MICALL2: variants seen among roughly 807,000 people sequenced by gnomAD.
The protein encoded by MICALL2 is MICAL like 2, also known as MICAL-like protein 2.
MICALL2 carries 111 observed loss-of-function variants against 91.1 expected under a neutral mutation model. That is an observed-to-expected ratio of 1.22 (90% CI 1.04 to 1.43). The LOEUF (loss-of-function observed/expected upper bound fraction) is 1.43, where lower values mean the gene tolerates loss of function less well. MICALL2 is among the 40% of genes most tolerant of loss of function. The pLI is 0.00. For missense variants in MICALL2, 1,556 were observed against 1,236.0 expected (o/e 1.26, Z -3.88); for synonymous variants, 694 against 525.3 (o/e 1.32, Z -4.39).
At chr7:1,456,984 C>T (rs919505046) in intron 1 of MICALL2, among the ~76,000 whole-genome samples, 1 of 152,166 alleles carries the variant, frequency 6.6e-6, no homozygotes, top group Non-Finnish European at 1.5e-5. Flanking sequence ...AATTTGTTTT[C>T]TCACGGCTCT....
In MICALL2 at chr7:1,446,767, T is replaced by C; in HGVS notation, c.587A>G (p.His196Arg). Residue 196 changes from histidine to arginine, a missense_variant, in exon 5 of 17, where the codon CAC becomes CGC. Transcript: ENST00000297508. The part of the protein sequence containing the change: ...STCGVCGKHV[H>R]LVQRHLADGR... ...GTCGGCCAGGTGCCGCTGTACCAGGTGCACGTGCTTGCCGCAGACCCCGCA... is the reference window on the plus strand; with the variant it reads ...GTCGGCCAGGTGCCGCTGTACCAGGCGCACGTGCTTGCCGCAGACCCCGCA... 2 of 1,608,354 alleles carry C rather than the reference T, an allele frequency of 1.2e-6. No individual in the cohort carries two copies. Among genetic ancestry groups the C allele is most frequent in the Non-Finnish European group, 1.7e-6 (2 of 1,178,196 alleles).
rs1780868813 is a variant in MICALL2, at chr7:1,452,431, C to T, written c.144-2143G>A. Among the ~76,000 whole-genome samples the T allele has an allele frequency of 6.6e-6, 1 of 152,110 alleles. No individual in the cohort carries two copies. Among genetic ancestry groups the T allele is most frequent in the African/African-American group, 2.4e-5 (1 of 41,414 alleles). On this transcript the variant is annotated intron_variant, in intron 1 of 16. Coordinates refer to ENST00000297508, the MANE Select transcript of MICALL2 (RefSeq NM_182924.4). The surrounding 1 kb of genome is among the most constrained non-coding windows in gnomAD (Gnocchi z 6.2). ...AGGAGCCGGCTCTCCCTCCCTCTCTCCCCGCCCCCAGCCCTTTGAAAGCTC... is the reference window on the plus strand; with the variant it reads ...AGGAGCCGGCTCTCCCTCCCTCTCTTCCCGCCCCCAGCCCTTTGAAAGCTC...
At chr7:1,446,540 G>A (rs369660104) in intron 5 of MICALL2, 173 bp downstream of exon 5, 1 of 560,614 alleles carries the variant, frequency 1.8e-6, no homozygotes, top group Non-Finnish European at 3.2e-6. Flanking sequence ...GAGGAGAGGG[G>A]AGGAGGCGGG....
At chr7:1,450,319 G>C in intron 1 of MICALL2, 31 bp from the exon 2 acceptor site, 1 of 1,603,828 alleles carries the variant, frequency 6.2e-7, no homozygotes, top group Non-Finnish European at 8.5e-7. Flanking sequence ...GTCCAAAGCA[G>C]CTCAGAGTCC....
At chr7:1,439,574 A>G (rs1437963452) in intron 9 of MICALL2, 6 of 244,426 alleles carry the variant, frequency 2.5e-5, no homozygotes, top group Non-Finnish European at 3.1e-5. Flanking sequence ...CACACGCATG[A>G]ACACTGATGT....
rs142703120 is a variant in MICALL2 at position 1,440,616 on chromosome 7, C to A, written c.1780G>T (p.Val594Leu). ...PAGWRANLKP[V>L]DRRSPAERTL... ...CTCTCAGCTGGGCTTCTCCTGTCCA[C>A]GGGCTTCAGATTCGCTCTCCATCCT... Residue 594 changes from valine to leucine, a missense_variant, in exon 8 of 17, where the codon GTG (valine) becomes TTG (leucine). By Grantham distance (32) the Val-to-Leu change is conservative. Transcript: ENST00000297508. 1 of 1,612,754 alleles carries A rather than the reference C, an allele frequency of 6.2e-7. No individual in the cohort carries two copies. The highest frequency in any genetic ancestry group is 1.1e-5 in the South Asian group (1 of 91,076).
At chr7:1,436,717 G>A (rs185600208) in intron 15 of MICALL2, 25 bp downstream of exon 15, 2 of 1,577,622 alleles carry the variant, frequency 1.3e-6, no homozygotes, top group South Asian at 1.1e-5. Context: ...CTGGCTGGGA[G>A]GGGCCCCCGG....
At chr7:1,457,177 A>C (rs973454030) in intron 1 of MICALL2, among the ~76,000 whole-genome samples, 1 of 152,086 alleles carries the variant, frequency 6.6e-6, no homozygotes, top group Admixed American at 6.6e-5. Context: ...GCACCTACTA[A>C]GCTCCTACCA....
At chr7:1,448,118 G>A (rs896982928) in intron 3 of MICALL2, 9 of 253,030 alleles carry the variant, frequency 3.6e-5, no homozygotes, top group African/African-American at 6.7e-5. Flanking sequence ...CACAAAGGCC[G>A]GGCCTGTCCC....
At chr7:1,450,606 C>T in intron 1 of MICALL2, 1 of 350,598 alleles carries the variant, frequency 2.9e-6, no homozygotes, top group Non-Finnish European at 5.5e-6. Context: ...GTGAGGTCAC[C>T]AGCCCAGGGC....
rs1584231390 is a variant in MICALL2 at position 1,451,295 on chromosome 7, C to T, written c.144-1007G>A. Among the ~76,000 whole-genome samples, 2 of 152,142 alleles carry T rather than the reference C, an allele frequency of 1.3e-5. No individual in the cohort carries two copies. The highest frequency in any genetic ancestry group is 4.1e-4 in the South Asian group (2 of 4,830). On this transcript the variant is annotated intron_variant, in intron 1 of 16. Coordinates refer to ENST00000297508, the MANE Select transcript of MICALL2 (RefSeq NM_182924.4). This position sits in a 1 kb window ranked among gnomAD's most constrained non-coding sequence, Gnocchi z 4.5. The stretch of plus-strand genomic sequence containing the variant: ...ACACCAAGATCCCAGGAGGCCCCAG[C>T]CCAGCCCCAGGCCCTCCGACAAAAA...
Position 1,439,000 on chromosome 7 carries a change from C to T in MICALL2, c.1967-5G>A, listed in dbSNP as rs1198631193. ...GGGGTGGGGAGGGGGACCTGGCTGCCCCCAGGTGGGGAGACAGAGCCACGC... is the reference window on the plus strand; with the variant it reads ...GGGGTGGGGAGGGGGACCTGGCTGCTCCCAGGTGGGGAGACAGAGCCACGC... On this transcript the variant is annotated splice_region_variant and splice_polypyrimidine_tract_variant and intron_variant, in intron 9 of 16. Coordinates refer to ENST00000297508, the MANE Select transcript of MICALL2 (RefSeq NM_182924.4). 6.3e-7 allele frequency: 1 copy of T among 1,589,868 alleles called. No homozygotes were observed.
At chr7:1,434,813 G>T in intron 16 of MICALL2, 141 bp from the exon 17 acceptor site, 1 of 918,126 alleles carries the variant, frequency 1.1e-6, no homozygotes, top group Non-Finnish European at 1.6e-6. Context: ...AGGAAGCCCT[G>T]TGCCCTCCCA....
At chr7:1,445,739 C>T (rs1379398267) in intron 5 of MICALL2, among the ~76,000 whole-genome samples, 1 of 152,212 alleles carries the variant, frequency 6.6e-6, no homozygotes, top group Non-Finnish European at 1.5e-5. Context: ...GGTCAGCAGA[C>T]ACACACCCAC....
chr7:1,450,494 TACGA>T (rs1249132959), intron 1 of MICALL2: 3 of 576,560 alleles, frequency 5.2e-6, no homozygotes, highest in Non-Finnish European at 9.6e-6. Flanking sequence ...GGGACCGTAG[TACGA>T]CATCAGACGG....
chr7:1,445,481 G>C (rs186496884), intron 5 of MICALL2, 53 bp from the exon 6 acceptor site: 30 of 1,425,308 alleles, frequency 2.1e-5, no homozygotes, highest in Non-Finnish European at 2.7e-5. Context: ...ACCCCGCCAC[G>C]CATTCACCAC....
intron 1 of MICALL2, among the ~76,000 whole-genome samples, chr7:1,455,731 C>T (rs1780991180): frequency 6.6e-6 from 1 of 151,936 alleles, no homozygotes; most frequent in South Asian, 2.1e-4. Context: ...AGCTGCTCTC[C>T]CTGAGGGCCA....
rs1780336326 is a variant in MICALL2, at chr7:1,442,375, G to A, written c.1528C>T (p.Leu510Phe). 1.2e-6 allele frequency: 2 copies of A among 1,611,042 alleles called. No homozygotes were observed. The change falls in exon 7 of 17, where the codon CTC becomes TTC. Residue 510 changes from leucine to phenylalanine, a missense_variant. Coordinates refer to ENST00000297508, the MANE Select transcript of MICALL2 (RefSeq NM_182924.4). ...GCTGGCGGTTCCATCCTCGAAGGGA[G>A]GCCAAGCACCCGGGGAGACGAGGAC... ...LQSSSPRVLG[L>F]PSRMEPPAPL...
At chr7:1,448,214 G>A (rs1187841717) in intron 3 of MICALL2, among the ~76,000 whole-genome samples, 9 of 152,250 alleles carry the variant, frequency 5.9e-5, no homozygotes, top group Non-Finnish European at 1.3e-4. Flanking sequence ...GATGAAGGTA[G>A]GCCCAGGAGC....
Sources: gnomAD v4.1 joint callset for allele counts (sites outside exome capture counted in the v4.1 genomes callset) on GRCh38, gnomAD v4.1.1 for gene constraint, Gnocchi (gnomAD v3.1) non-coding constraint, MANE v1.5 for transcripts, NCBI Gene and HGNC (gene_info 2026-07-23, HGNC 2026-07-21) for gene names.